Variants in CSMD3 observed in about 807,000 individuals in gnomAD.
CSMD3 encodes CUB and Sushi multiple domains 3.
In CSMD3, 177 loss-of-function variants were observed where a neutral mutation model predicts 435.2. The ratio of observed to expected loss-of-function variants is 0.41; its 90% CI spans 0.36 to 0.46. The LOEUF (loss-of-function observed/expected upper bound fraction) is 0.46, where lower values mean the gene tolerates loss of function less well. Ranked by LOEUF, CSMD3 falls within the 20% of genes least tolerant of loss-of-function variation. The probability of loss-of-function intolerance (pLI) is 0.34; values close to 1 mark genes in which losing one functional copy is unlikely to be tolerated. For synonymous variants in CSMD3, 1,656 were observed against 1,520.5 expected, an observed-to-expected ratio of 1.09 and a Z score of -2.07; for missense variants, 4,265 against 4,504.6, an observed-to-expected ratio of 0.95 and a Z score of 1.52.
At chr8:112,990,459 T>G (rs2085414250) in intron 6 of CSMD3, among the ~76,000 whole-genome samples, 1 of 151,924 alleles carries the variant, frequency 6.6e-6, no homozygotes, top group African/African-American at 2.4e-5. Context: ...GCTTGAGTTT[T>G]ACGGAAGTAT....
At chr8:112,936,605 A>C (rs1403146892) in intron 9 of CSMD3, among the ~76,000 whole-genome samples, 1 of 152,058 alleles carries the variant, frequency 6.6e-6, no homozygotes, top group Admixed American at 6.6e-5. Flanking sequence ...ACTTTTTTTC[A>C]AAAACACCCT....
intron 3 of CSMD3, among the ~76,000 whole-genome samples, chr8:113,217,150 T>C (rs554756885): frequency 2.2e-4 from 33 of 151,404 alleles, no homozygotes; most frequent in African/African-American, 8.0e-4. Context: ...AAAAGAAAAA[T>C]AGAAATAACT....
At chr8:112,588,999 AATTAGATT>A (rs376176237) in intron 22 of CSMD3, among the ~76,000 whole-genome samples, 120 of 152,274 alleles carry the variant, frequency 7.9e-4, no homozygotes, top group African/African-American at 2.7e-3. Flanking sequence ...TATTTTTGTC[AATTAGATT>A]ATTTAGAAGA....
intron 10 of CSMD3, among the ~76,000 whole-genome samples, chr8:112,900,676 C>T (rs2082088516): frequency 6.6e-6 from 1 of 151,094 alleles, no homozygotes; most frequent in African/African-American, 2.4e-5. Flanking sequence ...ACTTTATAGT[C>T]CATAACAAAT....
intron 16 of CSMD3, among the ~76,000 whole-genome samples, chr8:112,680,484 C>T (rs1355911193): frequency 1.3e-5 from 2 of 152,188 alleles, no homozygotes; most frequent in South Asian, 2.1e-4. Context: ...GGTGGAAAAA[C>T]TAAGTATTAC....
At chr8:113,200,686 C>T (rs955939442) in intron 3 of CSMD3, among the ~76,000 whole-genome samples, 5 of 150,790 alleles carry the variant, frequency 3.3e-5, no homozygotes, top group African/African-American at 1.2e-4. Context: ...TGCTTCATAA[C>T]GAAATGAAGA....
At position 113,030,561 on chromosome 8, in the gene CSMD3, G is replaced by A. The variant is rs559767135; in HGVS notation, c.918-11382C>T. On this transcript the variant is annotated intron_variant, in intron 5 of 70. Coordinates refer to ENST00000297405, the MANE Select transcript of CSMD3 (RefSeq NM_198123.2). The stretch of plus-strand genomic sequence containing the variant: ...ATCATGGACTTAAAAGTAAATCTAC[G>A]AAACACTTAGAAAAACATATCACAG... Among the ~76,000 whole-genome samples, 84 of 150,166 alleles carry A rather than the reference G, an allele frequency of 5.6e-4. 2 individuals are homozygous for A. The highest frequency in any genetic ancestry group is 8.5e-4 in the South Asian group (4 of 4,714).
At position 112,976,572 on chromosome 8, in the gene CSMD3, T is replaced by C. The variant is rs557609831; in HGVS notation, c.1031-424A>G. ...GTCTGCCATATCTCTTCACAGTTTCTGGGAAAAATATCAAAATTTTCTATT... is the reference window on the plus strand; with the variant it reads ...GTCTGCCATATCTCTTCACAGTTTCCGGGAAAAATATCAAAATTTTCTATT... On this transcript the variant is annotated intron_variant, in intron 6 of 70. Coordinates refer to ENST00000297405, the MANE Select transcript of CSMD3 (RefSeq NM_198123.2). Among the ~76,000 whole-genome samples, 3 of 152,104 alleles carry C rather than the reference T, an allele frequency of 2.0e-5. No homozygotes were observed. The East Asian group carries it at 5.8e-4, about 29-fold the overall frequency.
chr8:112,684,519 A>T (rs2075970048), intron 15 of CSMD3, among the ~76,000 whole-genome samples: 1 of 152,110 alleles, frequency 6.6e-6, no homozygotes, highest in Non-Finnish European at 1.5e-5. Flanking sequence ...TCAATATCTG[A>T]CACAGTGTAA....
chr8:112,426,008 C>T (rs957706597), intron 32 of CSMD3, among the ~76,000 whole-genome samples: 5 of 152,150 alleles, frequency 3.3e-5, no homozygotes, highest in African/African-American at 1.2e-4. Context: ...AATTCCATCA[C>T]TGAAATAAGT....
At chr8:112,975,298 G>A (rs2084803630) in intron 7 of CSMD3, among the ~76,000 whole-genome samples, 1 of 151,918 alleles carries the variant, frequency 6.6e-6, no homozygotes, top group Non-Finnish European at 1.5e-5. Context: ...CAATCATATG[G>A]GTCAGGCAAA....
At chr8:112,869,269 T>G (rs576231347) in intron 10 of CSMD3, among the ~76,000 whole-genome samples, 4 of 152,144 alleles carry the variant, frequency 2.6e-5, no homozygotes, top group Non-Finnish European at 5.9e-5. Context: ...AATGAGAGGA[T>G]TAGACATATT....
chr8:113,354,893 C>A (rs1563736689), intron 1 of CSMD3, among the ~76,000 whole-genome samples: 1 of 152,102 alleles, frequency 6.6e-6, no homozygotes, highest in Non-Finnish European at 1.5e-5. Context: ...CCGACCTGGG[C>A]CTTCCAAAAT....
At chr8:112,504,100 T>C in intron 29 of CSMD3, 123 bp from the exon 30 acceptor site, 1 of 602,920 alleles carries the variant, frequency 1.7e-6, no homozygotes, top group Non-Finnish European at 2.8e-6. Context: ...TAAAAGACGC[T>C]GTCAAAATAA....
intron 11 of CSMD3, among the ~76,000 whole-genome samples, chr8:112,832,936 A>T (rs959174019): frequency 6.6e-6 from 1 of 152,062 alleles, no homozygotes; most frequent in Non-Finnish European, 1.5e-5. Flanking sequence ...TTCTCCAATG[A>T]TCAGCAAACC....
chr8:112,566,974 C>T (rs1008320679), intron 24 of CSMD3, among the ~76,000 whole-genome samples: 1 of 152,106 alleles, frequency 6.6e-6, no homozygotes, highest in Non-Finnish European at 1.5e-5. Context: ...CTCTCTCTCA[C>T]AAGAAAGAGA....
chr8:112,809,819 C>T (rs1187454599), intron 12 of CSMD3, among the ~76,000 whole-genome samples: 1 of 152,170 alleles, frequency 6.6e-6, no homozygotes, highest in African/African-American at 2.4e-5. Flanking sequence ...TAAATCCATT[C>T]TCTACCCCTT....
At chr8:112,392,760 T>C (rs1830535369) in intron 35 of CSMD3, among the ~76,000 whole-genome samples, 1 of 152,012 alleles carries the variant, frequency 6.6e-6, no homozygotes, top group African/African-American at 2.4e-5. Context: ...ACTGTCAAAA[T>C]TATTTTTCTA....
At chr8:112,723,548 T>A (rs1196429682) in intron 13 of CSMD3, among the ~76,000 whole-genome samples, 1 of 152,096 alleles carries the variant, frequency 6.6e-6, no homozygotes, top group Non-Finnish European at 1.5e-5. Flanking sequence ...GTGGGGCTAT[T>A]ATTTTTCATG....
Sources: gnomAD v4.1 joint callset for allele counts (sites outside exome capture counted in the v4.1 genomes callset) on GRCh38, gnomAD v4.1.1 for gene constraint, MANE v1.5 for transcripts, NCBI Gene and HGNC (gene_info 2026-07-23, HGNC 2026-07-21) for gene names.